ABCB6: variants seen among roughly 807,000 people sequenced by gnomAD.
The protein encoded by ABCB6 is ATP binding cassette subfamily B member 6 (LAN blood group), also known as ATP-binding cassette sub-family B member 6.
In ABCB6, 87 loss-of-function variants were observed where a neutral mutation model predicts 99.4. That is an observed-to-expected ratio of 0.88 (90% CI 0.74 to 1.05). The LOEUF (loss-of-function observed/expected upper bound fraction) is 1.05. Ranked by LOEUF, ABCB6 falls within the 50% of genes least tolerant of loss-of-function variation. The pLI, the probability that ABCB6 is intolerant of heterozygous loss-of-function variation, is 0.00. For missense variants in ABCB6, 1,050 were observed against 1,097.9 expected (o/e 0.96, Z 0.62); for synonymous variants, 482 against 447.5 (o/e 1.08, Z -0.97).
chr2:219,212,666 C>T (rs1950593143), intron 13 of ABCB6, among the ~76,000 whole-genome samples, 175 bp from the exon 14 acceptor site: 1 of 152,126 alleles, frequency 6.6e-6, no homozygotes, highest in African/African-American at 2.4e-5. Context: ...GGATTATAGG[C>T]ACCCGCCACC....
intron 14 of ABCB6, 84 bp from the exon 15 acceptor site, chr2:219,211,192 G>T: frequency 6.8e-7 from 1 of 1,466,212 alleles, no homozygotes; most frequent in Non-Finnish European, 9.4e-7. Context: ...AAGCACGTGG[G>T]ATAAGAGGCT....
Position 219,212,491 on chromosome 2 carries a change from C to T in ABCB6, c.1864G>A (p.Val622Met). Reference sequence around the variant, plus strand: ...CTCTTCCCTGCCCCAGATGGGCCCACCTGTTGCATTGGAAATGGGAAAAAT... The same window carrying T: ...CTCTTCCCTGCCCCAGATGGGCCCATCTGTTGCATTGGAAATGGGAAAAAT... ...TVMPGQTLALVGPSGAGKSTI... is the reference protein window; with the variant it reads ...TVMPGQTLALMGPSGAGKSTI... The change falls in exon 14 of 19, where the codon GTG becomes ATG. Residue 622 changes from valine to methionine, a missense_variant and splice_region_variant. Physicochemically the swap from Val to Met is conservative, Grantham distance 21. Transcript: ENST00000265316. 6.2e-7 allele frequency: 1 copy of T among 1,613,076 alleles called. No individual in the cohort carries two copies. Among genetic ancestry groups the T allele is most frequent in the East Asian group, 2.2e-5 (1 of 44,870 alleles).
rs1388502529 is a variant in ABCB6, at chr2:219,218,238, G to C, written c.436C>G (p.His146Asp). ...CAGAGGAGCAGGAGACCAGGGCTGT[G>C]CCTGAACTTGATCCAGATGCCCATT... ...LAMGIWIKFR[H>D]SPGLLLLWTV... Residue 146 changes from histidine to aspartate, a missense_variant, in exon 1 of 19, where the codon CAC (histidine) becomes GAC (aspartate). Transcript: ENST00000265316. 6.2e-7 allele frequency: 1 copy of C among 1,613,722 alleles called. No homozygotes were observed.
At position 219,209,859 on chromosome 2, in the gene ABCB6, G is replaced by T; in HGVS notation, c.*79C>A. ...AGCTAGCACCATACCCCAAGACCAG[G>T]ATGAAATAAGCCAGGGAAAGGAGAC... is the stretch of plus-strand genomic sequence containing the variant. On this transcript the variant is annotated 3_prime_UTR_variant, in exon 19 of 19. Coordinates refer to ENST00000265316, the MANE Select transcript of ABCB6 (RefSeq NM_005689.4). The T allele has an allele frequency of 8.9e-7, 1 of 1,122,704 alleles. No homozygotes were observed. Among genetic ancestry groups the T allele is most frequent in the East Asian group, 2.3e-5 (1 of 42,576 alleles). 69.5% of individuals were successfully genotyped at this position (1,122,704 alleles called of 1,614,324 possible).
chr2:219,214,864 AG>A, intron 6 of ABCB6, 96 bp downstream of exon 6: 1 of 1,455,036 alleles, frequency 6.9e-7, no homozygotes, highest in Admixed American at 1.9e-5. Flanking sequence ...ACCAATCCAC[AG>A]CCTCCCATAG....
Position 219,218,802 on chromosome 2 carries a change from G to A in ABCB6, c.-129C>T. 2 of 1,073,634 alleles carry A rather than the reference G, an allele frequency of 1.9e-6. No individual in the cohort carries two copies. The highest frequency in any genetic ancestry group is 3.1e-5 in the Admixed American group (1 of 31,824). 66.5% of individuals were successfully genotyped at this position (1,073,634 alleles called of 1,614,324 possible). ...AGCCGCTGGGCGCCAAGCTGCGGGG[G>A]TCCCGGGAAGGGACGCACGTGGACC... On this transcript the variant is annotated 5_prime_UTR_variant, in exon 1 of 19. Transcript: ENST00000265316.
In ABCB6 at chr2:219,217,708, G is replaced by T. The variant is rs747231580; in HGVS notation, c.649C>A (p.Gln217Lys). The change falls in exon 2 of 19, where the codon CAG becomes AAG. Residue 217 changes from glutamine (Q) to lysine (K), a missense_variant. Gln to Lys is a moderately conservative substitution (Grantham distance 53). Transcript: ENST00000265316. Reference sequence around the variant, plus strand: ...ACATCTTGGTCCTCTTCATGAACCTGCAATGTATAGGACTGGGGACGAAGT... The same window carrying T: ...ACATCTTGGTCCTCTTCATGAACCTTCAATGTATAGGACTGGGGACGAAGT... ...PGLRPQSYTL[Q>K]VHEEDQDVER... 38 of 1,613,366 alleles carry T rather than the reference G, an allele frequency of 2.4e-5. No homozygotes were observed. The highest frequency in any genetic ancestry group is 3.1e-5 in the Non-Finnish European group (36 of 1,179,796).
At position 219,213,967 on chromosome 2, in the gene ABCB6, C is replaced by T; in HGVS notation, c.1453-16G>A. ...ACTCCAAACCCTGAGGGCAATAACA[C>T]AGGAAGAGGAATGTCCTATACACAA... On this transcript the variant is annotated splice_polypyrimidine_tract_variant and intron_variant, in intron 8 of 18. Transcript: ENST00000265316. 6.2e-7 allele frequency: 1 copy of T among 1,613,990 alleles called. No homozygotes were observed. Among genetic ancestry groups the T allele is most frequent in the Non-Finnish European group, 8.5e-7 (1 of 1,180,002 alleles).
At chr2:219,214,711 A>T in intron 6 of ABCB6, 1 of 627,344 alleles carries the variant, frequency 1.6e-6, no homozygotes, top group East Asian at 2.7e-5. Context: ...TGTTACACAA[A>T]CGAGGCTTCC....
rs1950649052 is a variant in ABCB6 at position 219,216,902 on chromosome 2, G to A, written c.688-70C>T. ...AGTGCACTAGCCAGAAACCCTTCAGGGAAAAACCTATGGGGTTACAGCTCC... is the reference window on the plus strand; with the variant it reads ...AGTGCACTAGCCAGAAACCCTTCAGAGAAAAACCTATGGGGTTACAGCTCC... On this transcript the variant is annotated intron_variant, in intron 2 of 18. Coordinates refer to ENST00000265316, the MANE Select transcript of ABCB6 (RefSeq NM_005689.4). This position sits in a 1 kb window ranked among gnomAD's most constrained non-coding sequence, Gnocchi z 4.2. 8 of 1,428,912 alleles carry A rather than the reference G, an allele frequency of 5.6e-6. No homozygotes were observed. Among genetic ancestry groups the A allele is most frequent in the African/African-American group, 1.4e-5 (1 of 69,948 alleles). 88.5% of individuals were successfully genotyped at this position (1,428,912 alleles called of 1,614,324 possible).
chr2:219,218,471 G>A lies in ABCB6; in HGVS notation c.203C>T (p.Pro68Leu), dbSNP rs1428173696. ...CTGCAGCACGTAGGGAGAGATGCGA[G>A]GGCCGGCCCCCCAAGACAGCGAATC... is the stretch of plus-strand genomic sequence containing the variant. ...GADSLSWGAG[P>L]RISPYVLQLL... Residue 68 changes from proline (P) to leucine (L), a missense_variant, in exon 1 of 19, where the codon CCT becomes CTT. Transcript: ENST00000265316. 6.2e-7 allele frequency: 1 copy of A among 1,607,848 alleles called. No homozygotes were observed.
Position 219,209,967 on chromosome 2 carries a change from CT to C in ABCB6, c.2499del (p.Asp834ThrfsTer?). 6.2e-7 allele frequency: 1 copy of C among 1,614,216 alleles called. No homozygotes were observed. Among genetic ancestry groups the C allele is most frequent in the Non-Finnish European group, 8.5e-7 (1 of 1,180,036 alleles). On this transcript the variant is annotated frameshift_variant, in exon 19 of 19. Transcript: ENST00000265316. LOFTEE classifies it low-confidence loss of function (END_TRUNC). Reference protein sequence around the residue: ...QLQQGQEETSEDTKPQTMER With the variant: ...QLQQGQEETSXDTKPQTMER ...CGTTCCATGGTCTGAGGCTTAGTGT[CT>C]TCAGAGGTTTCTTCCTGTCCCTGCT...
rs766607263 is a variant in ABCB6, at chr2:219,216,802, G to C, written c.718C>G (p.Arg240Gly). ...AGGCGGAGCTTCCTGCCAAAATCTC[G>C]CCAGGTAGACTGTTGGGCTGCTGAC... ...VRSAAQQSTW[R>G]DFGRKLRLLS... is the part of the protein sequence containing the mutation. Residue 240 changes from arginine to glycine, a missense_variant, in exon 3 of 19, where the codon CGA becomes GGA. Transcript: ENST00000265316. This position sits in a 1 kb window ranked among gnomAD's most constrained non-coding sequence, Gnocchi z 4.2. 4.3e-6 allele frequency: 7 copies of C among 1,612,902 alleles called. No individual in the cohort carries two copies. Among genetic ancestry groups the C allele is most frequent in the Non-Finnish European group, 5.1e-6 (6 of 1,179,700 alleles).
intron 9 of ABCB6, 37 bp from the exon 10 acceptor site, chr2:219,213,703 G>T (rs1238997830): frequency 1.2e-6 from 2 of 1,613,148 alleles, no homozygotes; most frequent in African/African-American, 2.7e-5. Flanking sequence ...GTCACGGGGG[G>T]CCTGCAGGCC....
At chr2:219,214,580 T>C (rs992366865) in intron 6 of ABCB6, 82 bp from the exon 7 acceptor site, 7 of 1,021,816 alleles carry the variant, frequency 6.9e-6, no homozygotes, top group Non-Finnish European at 1.1e-5. Flanking sequence ...CTACCTGCCA[T>C]GTACACACTA....
Position 219,214,423 on chromosome 2 carries a change from GC to G in ABCB6, c.1351del (p.Ala451HisfsTer8). On this transcript the variant is annotated frameshift_variant, in exon 7 of 19. Transcript: ENST00000265316. LOFTEE classifies it high-confidence loss of function. ...AMNTQENATR[A>X]RAVDSLLNFE... ...GTTTAGCAGAGAGTCCACTGCTCGT[GC>G]CCGGGTAGCGTTCTCCTGTGTGTTC... 6.2e-7 allele frequency: 1 copy of G among 1,614,172 alleles called. No homozygotes were observed.
In ABCB6 at chr2:219,213,222, A is replaced by G. The variant is rs1379440098; in HGVS notation, c.1805+19T>C. The G allele has an allele frequency of 1.4e-5, 22 of 1,613,680 alleles. No homozygotes were observed. The East Asian group carries it at 4.9e-4, about 36-fold the overall frequency. On this transcript the variant is annotated intron_variant, in intron 12 of 18. Transcript: ENST00000265316. ...TGCAAATGAACGGAAAAGCAAAGGA[A>G]GCAAAAGGAAGGCCTCACCCATCGG...
chr2:219,210,766 CG>C lies in ABCB6; in HGVS notation c.2200del (p.Arg734AlafsTer47), dbSNP rs1559234609. ...GAGGATGGTGCGGGCAATGGCGACG[CG>C]CTGCTTCTCCCCGCCGCTCAGCTTC... is the stretch of plus-strand genomic sequence containing the variant. ...GLKLSGGEKQ[R>X]VAIARTILKA... On this transcript the variant is annotated frameshift_variant, in exon 16 of 19. Transcript: ENST00000265316. LOFTEE classifies it high-confidence loss of function. 6.2e-7 allele frequency: 1 copy of C among 1,613,752 alleles called. No individual in the cohort carries two copies. The highest frequency in any genetic ancestry group is 8.5e-7 in the Non-Finnish European group (1 of 1,180,016).
rs1453897053 is a variant in ABCB6 at position 219,213,593 on chromosome 2, T to C, written c.1652A>G (p.Tyr551Cys). Reference protein sequence around the residue: ...YMPLNWFGTYYRMIQTNFIDM... With the variant: ...YMPLNWFGTYCRMIQTNFIDM... ...TGAGGGCCAGGGCTCAGATTACCTG[T>C]AGTAGGTGCCAAACCAATTGAGGGG... Residue 551 changes from tyrosine to cysteine, a missense_variant, in exon 10 of 19, where the codon TAC becomes TGC. Coordinates refer to ENST00000265316, the MANE Select transcript of ABCB6 (RefSeq NM_005689.4). The C allele has an allele frequency of 1.2e-6, 2 of 1,614,012 alleles. No individual in the cohort carries two copies. Among genetic ancestry groups the C allele is most frequent in the Non-Finnish European group, 1.7e-6 (2 of 1,180,026 alleles).
Sources: allele counts gnomAD v4.1 joint callset (sites outside exome capture counted in the v4.1 genomes callset), GRCh38; gene constraint gnomAD v4.1.1; non-coding constraint Gnocchi (gnomAD v3.1); transcripts MANE v1.5; gene names NCBI Gene and HGNC (gene_info 2026-07-23, HGNC 2026-07-21).